Variants in STARD13 observed in about 807,000 individuals in gnomAD.
STARD13 encodes the protein StAR related lipid transfer domain containing 13.
In STARD13, 62 loss-of-function variants were observed where a neutral mutation model predicts 106.4. The ratio of observed to expected loss-of-function variants is 0.58; its 90% CI spans 0.48 to 0.72. The LOEUF is 0.72. STARD13 is among the 30% of genes least tolerant of loss of function. The pLI, the probability that STARD13 is intolerant of heterozygous loss-of-function variation, is 0.00. For synonymous variants in STARD13, 565 were observed against 553.0 expected (o/e 1.02, Z -0.31); for missense variants, 1,387 against 1,424.0 (o/e 0.97, Z 0.42).
At chr13:33,439,404 A>C in the STARD13 span, among the ~76,000 whole-genome samples, 3 of 152,262 alleles carry the variant, frequency 2.0e-5, no homozygotes, top group Non-Finnish European at 4.4e-5. Context: ...GGTACATTTC[A>C]AGATAAAGAC....
chr13:33,152,868 C>A (rs1424180420), intron 3 of STARD13, among the ~76,000 whole-genome samples: 1 of 152,054 alleles, frequency 6.6e-6, no homozygotes, highest in Non-Finnish European at 1.5e-5. Flanking sequence ...AGCCGAAGAG[C>A]CCGTGGCCTA....
At chr13:33,322,054 T>C (rs1356846718) in intron 1 of STARD13, among the ~76,000 whole-genome samples, 1 of 152,220 alleles carries the variant, frequency 6.6e-6, no homozygotes, top group Non-Finnish European at 1.5e-5. Flanking sequence ...TAAAGTAGTG[T>C]TCAGCAGATA....
At chr13:33,461,736 G>A in the STARD13 span, among the ~76,000 whole-genome samples, 1 of 152,018 alleles carries the variant, frequency 6.6e-6, no homozygotes, top group Non-Finnish European at 1.5e-5. Context: ...ATATGAATTT[G>A]TAATACTGGT....
At chr13:33,447,007 A>G in the STARD13 span, among the ~76,000 whole-genome samples, 1 of 152,194 alleles carries the variant, frequency 6.6e-6, no homozygotes, top group Non-Finnish European at 1.5e-5. Context: ...TATATTTTAT[A>G]CAGGATTTGG....
At chr13:33,396,678 A>G in the STARD13 span, among the ~76,000 whole-genome samples, 1 of 152,322 alleles carries the variant, frequency 6.6e-6, no homozygotes, top group Non-Finnish European at 1.5e-5. Context: ...AAAACAAACA[A>G]AAGGGGATAT....
At chr13:33,447,006 T>C in the STARD13 span, among the ~76,000 whole-genome samples, 2 of 152,198 alleles carry the variant, frequency 1.3e-5, no homozygotes, top group African/African-American at 4.8e-5. Context: ...GTATATTTTA[T>C]ACAGGATTTG....
intron 1 of STARD13, among the ~76,000 whole-genome samples, chr13:33,312,159 T>C (rs1444720144): frequency 6.6e-6 from 1 of 152,240 alleles, no homozygotes; most frequent in Non-Finnish European, 1.5e-5. Flanking sequence ...ACATTTTTAC[T>C]GTTTATCTTA....
chr13:33,308,520 C>CTTTTTTTTTTTTTTTTTTTT (rs552526416), intron 1 of STARD13, among the ~76,000 whole-genome samples: 4 of 88,554 alleles, frequency 4.5e-5, no homozygotes, highest in Non-Finnish European at 4.2e-5. Context: ...CTTTTTCTTT[C>CTTTTTTTTTTTTTTTTTTTT]TTTTTTTTTT....
chr13:33,141,282 C>T (rs927992062), intron 4 of STARD13, among the ~76,000 whole-genome samples: 11 of 152,160 alleles, frequency 7.2e-5, no homozygotes, highest in Admixed American at 4.6e-4. Flanking sequence ...AACCCTGCTC[C>T]GCCGCTAGCT....
At chr13:33,638,148 G>A in the STARD13 span, among the ~76,000 whole-genome samples, 1 of 152,170 alleles carries the variant, frequency 6.6e-6, no homozygotes, top group African/African-American at 2.4e-5. Context: ...GGCTCTCCTA[G>A]AAAGGAGAGA....
the STARD13 span, among the ~76,000 whole-genome samples, chr13:33,657,180 G>C: frequency 2.6e-5 from 4 of 152,228 alleles, no homozygotes; most frequent in Admixed American, 6.5e-5. Flanking sequence ...TGAGGCAGGA[G>C]AATGGTGTGA....
Position 33,129,753 on chromosome 13 carries a change from A to T in STARD13, c.924T>A (p.Asn308Lys), listed in dbSNP as rs1877946256. The T allele has an allele frequency of 6.2e-7, 1 of 1,614,026 alleles. No homozygotes were observed. The highest frequency in any genetic ancestry group is 8.5e-7 in the Non-Finnish European group (1 of 1,180,000). The stretch of plus-strand genomic sequence containing the variant: ...GTGGCGGCGAATTCTGGAGATCTCC[A>T]TTTGGTATTTGGATGCACTGCATAG... Reference protein sequence around the residue: ...FKAMQCIQIPNGDLQNSPPPA... With the variant: ...FKAMQCIQIPKGDLQNSPPPA... Residue 308 changes from asparagine (N) to lysine (K), a missense_variant, in exon 5 of 14, where the codon AAT becomes AAA. Transcript: ENST00000336934.
chr13:33,165,359 C>T lies in STARD13; in HGVS notation c.301G>A (p.Asp101Asn). 6.2e-7 allele frequency: 1 copy of T among 1,613,702 alleles called. No homozygotes were observed. Among genetic ancestry groups the T allele is most frequent in the Non-Finnish European group, 8.5e-7 (1 of 1,179,662 alleles). Residue 101 changes from aspartate (D) to asparagine (N), a missense_variant, in exon 3 of 14, where the codon GAC (aspartate) becomes AAC (asparagine). By Grantham distance (23) the Asp-to-Asn change is conservative. Coordinates refer to ENST00000336934, the MANE Select transcript of STARD13 (RefSeq NM_178006.4). Reference protein sequence around the residue: ...VKNDHDFLEKDLVEPLCRRLN... With the variant: ...VKNDHDFLEKNLVEPLCRRLN... ...TACCTGCAAAGAGGTTCTACAAGGTCCTTTTCAAGAAAATCATGATCATTC... is the reference window on the plus strand; with the variant it reads ...TACCTGCAAAGAGGTTCTACAAGGTTCTTTTCAAGAAAATCATGATCATTC...
In STARD13 at chr13:33,118,084, G is replaced by T. The variant is rs1415948721; in HGVS notation, c.2262C>A (p.Thr754=). 6.2e-7 allele frequency: 1 copy of T among 1,614,170 alleles called. No individual in the cohort carries two copies. Among genetic ancestry groups the T allele is most frequent in the Admixed American group, 1.7e-5 (1 of 60,022 alleles). The change falls in exon 8 of 14, where the codon ACC becomes ACA. Residue 754 remains threonine (T), a synonymous_variant. Coordinates refer to ENST00000336934, the MANE Select transcript of STARD13 (RefSeq NM_178006.4). ...ACTTACACTGATAGATATGGAGAAA[G>T]GTCTCACTGAGCTTGTTGGTGAAAA... ...EPLFTNKLSE[T]FLHIYQYVSK... is the part of the protein sequence containing the mutation.
At chr13:33,454,894 A>G in the STARD13 span, among the ~76,000 whole-genome samples, 1 of 152,210 alleles carries the variant, frequency 6.6e-6, no homozygotes, top group Non-Finnish European at 1.5e-5. Context: ...AATGTTTAAT[A>G]AGGAAAATTG....
the STARD13 span, among the ~76,000 whole-genome samples, chr13:33,555,933 A>T: frequency 6.6e-6 from 1 of 152,174 alleles, no homozygotes; most frequent in African/African-American, 2.4e-5. Flanking sequence ...CTGAGGCCCC[A>T]GGTTTGGAGA....
chr13:33,405,363 C>T, the STARD13 span, among the ~76,000 whole-genome samples: 1 of 152,228 alleles, frequency 6.6e-6, no homozygotes, highest in African/African-American at 2.4e-5. Flanking sequence ...TGTAGCCCCT[C>T]GTAGCCCCTC....
chr13:33,360,942 C>T, the STARD13 span, among the ~76,000 whole-genome samples: 1 of 140,190 alleles, frequency 7.1e-6, no homozygotes, highest in African/African-American at 2.6e-5. Context: ...ACTACAGGTG[C>T]ACGCCACCAC....
At chr13:33,352,471 C>T (rs1000636133), upstream of STARD13, among the ~76,000 whole-genome samples, 3 of 152,210 alleles carry the variant, frequency 2.0e-5, no homozygotes, top group Admixed American at 6.5e-5. Flanking sequence ...CTCTCAAGAG[C>T]GTGGGCCCCT....
Sources: allele counts gnomAD v4.1 joint callset (sites outside exome capture counted in the v4.1 genomes callset), GRCh38; gene constraint gnomAD v4.1.1; transcripts MANE v1.5; gene names NCBI Gene and HGNC (gene_info 2026-07-23, HGNC 2026-07-21).